Variants in SLC9A4 observed in about 807,000 individuals in gnomAD.
The protein encoded by SLC9A4 is sodium/hydrogen exchanger 4.
SLC9A4 carries 63 observed loss-of-function variants against 67.4 expected under a neutral mutation model. That is an observed-to-expected ratio of 0.93 (90% CI 0.76 to 1.15). The LOEUF is 1.15. Ranked by LOEUF, SLC9A4 falls within the 50% of genes most tolerant of loss-of-function variation. The pLI is 0.00. For missense variants in SLC9A4, 1,089 were observed against 987.7 expected (o/e 1.10, Z -1.38); for synonymous variants, 393 against 367.2 (o/e 1.07, Z -0.80).
chr2:102,476,425 G>C (rs1684333543), intron 1 of SLC9A4, among the ~76,000 whole-genome samples: 1 of 152,184 alleles, frequency 6.6e-6, no homozygotes, highest in African/African-American at 2.4e-5. Context: ...AATGTGAAAG[G>C]CATGTAGCAT....
At chr2:102,524,891 G>A in intron 9 of SLC9A4, 133 bp from the exon 10 acceptor site, 1 of 1,047,356 alleles carries the variant, frequency 9.5e-7, no homozygotes, top group East Asian at 2.4e-5. Context: ...TCGTAATCAA[G>A]GCAAATGCTT....
chr2:102,523,088 C>T (rs1271543985), intron 9 of SLC9A4, among the ~76,000 whole-genome samples: 1 of 151,932 alleles, frequency 6.6e-6, no homozygotes, highest in Admixed American at 6.6e-5. Context: ...CCCACCTCAG[C>T]TTCCTGAGTA....
intron 8 of SLC9A4, 53 bp downstream of exon 8, chr2:102,514,304 G>A (rs1685230395): frequency 7.4e-7 from 1 of 1,353,126 alleles, no homozygotes; most frequent in Non-Finnish European, 1.0e-6. Context: ...ATTCCAAGGG[G>A]CGCTGACTCA....
rs190701958 is a variant in SLC9A4 at position 102,508,338 on chromosome 2, A to G, written c.1401+57A>G. ...AGGTTATTTCAGGACAATGTAGTAA[A>G]TTAGTAAAATACAAATAAAGGCATT... On this transcript the variant is annotated intron_variant, in intron 5 of 11. Coordinates refer to ENST00000295269, the MANE Select transcript of SLC9A4 (RefSeq NM_001011552.4). 5 of 1,416,436 alleles carry G rather than the reference A, an allele frequency of 3.5e-6. No individual in the cohort carries two copies. The African/African-American group carries it at 5.8e-5, about 16-fold the overall frequency. 87.7% of individuals were successfully genotyped at this position (1,416,436 alleles called of 1,614,324 possible). A position where few individuals can be genotyped will look rare whatever the true frequency, so the allele number is the denominator to read the frequency against.
At chr2:102,488,402 C>T (rs191341348) in intron 2 of SLC9A4, among the ~76,000 whole-genome samples, 7 of 152,176 alleles carry the variant, frequency 4.6e-5, no homozygotes, top group East Asian at 1.9e-4. Flanking sequence ...TAGATCCAGG[C>T]GATGGGTGAG....
chr2:102,512,089 G>A, intron 6 of SLC9A4, 114 bp from the exon 7 acceptor site: 1 of 1,048,022 alleles, frequency 9.5e-7, no homozygotes, highest in South Asian at 1.5e-5. Context: ...TAGAAAGTCA[G>A]ATAGGCTCCA....
Position 102,493,965 on chromosome 2 carries a change from T to C in SLC9A4, c.721-9483T>C, listed in dbSNP as rs566402774. Among the ~76,000 whole-genome samples the C allele has an allele frequency of 2.6e-5, 4 of 152,018 alleles. No individual in the cohort carries two copies. The South Asian group carries it at 6.2e-4, about 24-fold the overall frequency. ...TCTCACCCCTGAGTAGAAAGTCCCC[T>C]GTTAAAAGTAATGTAGTCAAACAAG... On this transcript the variant is annotated intron_variant, in intron 2 of 11. Coordinates refer to ENST00000295269, the MANE Select transcript of SLC9A4 (RefSeq NM_001011552.4).
At chr2:102,510,955 TC>T (rs1195272567) in intron 6 of SLC9A4, among the ~76,000 whole-genome samples, 2 of 152,176 alleles carry the variant, frequency 1.3e-5, no homozygotes, top group African/African-American at 4.8e-5. Flanking sequence ...GGTGGAGACT[TC>T]AACTCAGTTA....
intron 1 of SLC9A4, among the ~76,000 whole-genome samples, chr2:102,477,374 T>C (rs549897887): frequency 2.0e-4 from 30 of 152,346 alleles, no homozygotes; most frequent in African/African-American, 7.0e-4. Context: ...AACAATCTGT[T>C]CAATCTCTTG....
intron 2 of SLC9A4, among the ~76,000 whole-genome samples, chr2:102,497,133 A>T (rs114482135): frequency 2.1e-4 from 32 of 152,318 alleles, no homozygotes; most frequent in Non-Finnish European, 4.6e-4. Context: ...GGGTTTCACC[A>T]TGTAAGCCAG....
At chr2:102,496,978 T>C (rs1446620352) in intron 2 of SLC9A4, among the ~76,000 whole-genome samples, 1 of 152,202 alleles carries the variant, frequency 6.6e-6, no homozygotes, top group African/African-American at 2.4e-5. Context: ...CAGGCTGGAG[T>C]GCAGTGGCAT....
chr2:102,475,036 C>A (rs1573322289), intron 1 of SLC9A4, among the ~76,000 whole-genome samples: 1 of 152,000 alleles, frequency 6.6e-6, no homozygotes, highest in Non-Finnish European at 1.5e-5. Context: ...TATAGGTGTC[C>A]CCTTTAGACT....
intron 11 of SLC9A4, among the ~76,000 whole-genome samples, chr2:102,528,596 A>G (rs1674716427): frequency 6.6e-6 from 1 of 152,128 alleles, no homozygotes; most frequent in South Asian, 2.1e-4. Flanking sequence ...GAGCATCAAT[A>G]CTGCATGCCT....
chr2:102,477,269 G>T (rs1684355089), intron 1 of SLC9A4, among the ~76,000 whole-genome samples: 1 of 152,160 alleles, frequency 6.6e-6, no homozygotes. Context: ...ATCTGGCTGG[G>T]CCATTTCTTC....
rs1684994788 is a variant in SLC9A4 at position 102,503,824 on chromosome 2, G to A, written c.980+117G>A. ...AATGACGCTAACCCTCCAACATGTT[G>A]CAGATTTAGGATCTTCTAAACTTTT... On this transcript the variant is annotated intron_variant, in intron 3 of 11. Coordinates refer to ENST00000295269, the MANE Select transcript of SLC9A4 (RefSeq NM_001011552.4). 13 of 1,369,054 alleles carry A rather than the reference G, an allele frequency of 9.5e-6. No homozygotes were observed. In the South Asian group the frequency reaches 1.9e-4, roughly 20 times the overall value. 84.8% of individuals were successfully genotyped at this position (1,369,054 alleles called of 1,614,324 possible).
In SLC9A4 at chr2:102,503,574, G is replaced by A. The variant is rs146432895; in HGVS notation, c.847G>A (p.Val283Ile). ...VGLGGVLFGI[V>I]FGFISAFITR... The stretch of plus-strand genomic sequence containing the variant: ...GCTTGGAGGGGTATTGTTTGGCATC[G>A]TTTTTGGATTTATTTCTGCATTTAT... The change falls in exon 3 of 12, where the codon GTT becomes ATT. Residue 283 changes from valine (V) to isoleucine (I), a missense_variant. Physicochemically the swap from Val to Ile is conservative, Grantham distance 29. Coordinates refer to ENST00000295269, the MANE Select transcript of SLC9A4 (RefSeq NM_001011552.4). 454 of 1,614,066 alleles carry A rather than the reference G, an allele frequency of 2.8e-4. 2 individuals are homozygous for A. The Admixed American group carries it at 7.4e-3, about 26-fold the overall frequency.
At chr2:102,491,116 A>C (rs1684689062) in intron 2 of SLC9A4, among the ~76,000 whole-genome samples, 1 of 152,198 alleles carries the variant, frequency 6.6e-6, no homozygotes, top group Admixed American at 6.5e-5. Flanking sequence ...AGGCATAATC[A>C]CATGGTGACA....
In SLC9A4 at chr2:102,483,799, CATATATATATATATATATATATATAT is replaced by C. The variant is rs61195337; in HGVS notation, c.720+4515_720+4540del. Reference sequence around the variant, plus strand: ...TTAGTAACTATCTCACCATGTACAGCATATATATATATATATATATATATATATATATATATATATATACACACACA... The same window carrying C: ...TTAGTAACTATCTCACCATGTACAGCATATATATATATATATACACACACA... On this transcript the variant is annotated intron_variant, in intron 2 of 11. Transcript: ENST00000295269. 9.6e-5 allele frequency among the ~76,000 whole-genome samples: 11 copies of C among 114,294 alleles called. 1 individual carries two copies. In the East Asian group the frequency reaches 2.4e-3, roughly 25 times the overall value. 75.0% of individuals were successfully genotyped at this position (114,294 alleles called of 152,430 possible). A position where few individuals can be genotyped will look rare whatever the true frequency, so the allele number is the denominator to read the frequency against.
At chr2:102,480,295 AT>A (rs1229284516) in intron 2 of SLC9A4, among the ~76,000 whole-genome samples, 1 of 151,470 alleles carries the variant, frequency 6.6e-6, no homozygotes. Flanking sequence ...TGTGATCTGT[AT>A]TTTTTAATAT....
Sources: gnomAD v4.1 joint callset for allele counts (sites outside exome capture counted in the v4.1 genomes callset) on GRCh38, gnomAD v4.1.1 for gene constraint, MANE v1.5 for transcripts, NCBI Gene and HGNC (gene_info 2026-07-23, HGNC 2026-07-21) for gene names.